Variants in TTC39A observed in about 807,000 individuals in gnomAD.
TTC39A encodes tetratricopeptide repeat protein 39A.
TTC39A carries 46 observed loss-of-function variants against 82.3 expected under a neutral mutation model. The observed-to-expected ratio is 0.56, with a 90% CI of 0.44 to 0.71. The LOEUF (loss-of-function observed/expected upper bound fraction) is 0.71, where lower values mean the gene tolerates loss of function less well. TTC39A is among the 30% of genes least tolerant of loss of function. The pLI, the probability that TTC39A is intolerant of heterozygous loss-of-function variation, is 0.00. For missense variants in TTC39A, 543 were observed against 712.9 expected (o/e 0.76, Z 2.71); for synonymous variants, 254 against 275.2 (o/e 0.92, Z 0.76).
upstream of TTC39A, chr1:51,331,410 A>T (rs1645908893): frequency 1.4e-6 from 2 of 1,451,258 alleles, no homozygotes; most frequent in Admixed American, 5.0e-5. Flanking sequence ...TGCTGCTCTT[A>T]ACCATGACTC....
chr1:51,341,370 T>G (rs991677009), intron 1 of TTC39A, among the ~76,000 whole-genome samples: 8 of 152,018 alleles, frequency 5.3e-5, no homozygotes, highest in Non-Finnish European at 8.8e-5. Context: ...AGAAACTGCT[T>G]TGAGAGGCAG....
At chr1:51,340,833 C>G (rs1421524381) in intron 1 of TTC39A, among the ~76,000 whole-genome samples, 4 of 152,302 alleles carry the variant, frequency 2.6e-5, no homozygotes, top group South Asian at 2.1e-4. Flanking sequence ...AGCTAAACAG[C>G]CTGTCCAAAG....
chr1:51,298,705 C>G (rs1368459949), intron 12 of TTC39A: 4 of 152,636 alleles, frequency 2.6e-5, no homozygotes, highest in African/African-American at 9.6e-5. Context: ...TCTGCAGCGC[C>G]CTGGCTTCTG....
chr1:51,341,555 A>C (rs904699731), intron 1 of TTC39A, among the ~76,000 whole-genome samples: 1 of 152,156 alleles, frequency 6.6e-6, no homozygotes, highest in Non-Finnish European at 1.5e-5. Context: ...AGTGGGACAA[A>C]GGTTGCTTGA....
At chr1:51,338,204 C>T (rs1645997322) in intron 1 of TTC39A, among the ~76,000 whole-genome samples, 2 of 152,162 alleles carry the variant, frequency 1.3e-5, no homozygotes. Flanking sequence ...GAAGCCATTT[C>T]TGGGGGAGGC....
intron 6 of TTC39A, among the ~76,000 whole-genome samples, chr1:51,306,853 A>ACCCCCCCCCC (rs3068549): frequency 1.9e-3 from 117 of 60,176 alleles, no homozygotes; most frequent in Middle Eastern, 7.5e-3. Context: ...TAAGGGACAG[A>ACCCCCCCCCC]CCCCCCCCCC....
chr1:51,295,935 G>C (rs747481837), intron 13 of TTC39A, 144 bp downstream of exon 13: 10 of 799,792 alleles, frequency 1.3e-5, no homozygotes, highest in Non-Finnish European at 2.1e-5. Context: ...GACACGCAGG[G>C]GGGGCAGTCC....
chr1:51,303,227 G>A, intron 8 of TTC39A, 35 bp from the exon 9 acceptor site: 1 of 1,513,690 alleles, frequency 6.6e-7, no homozygotes, highest in South Asian at 1.2e-5. Flanking sequence ...GGCTCCCAGA[G>A]AGGGCAGGGG....
chr1:51,303,021 T>C (rs1644732416), intron 9 of TTC39A, 63 bp downstream of exon 9: 1 of 1,430,276 alleles, frequency 7.0e-7, no homozygotes, highest in African/African-American at 1.4e-5. Context: ...CTGTAGCCCC[T>C]CGTTCTCCTT....
upstream of TTC39A, among the ~76,000 whole-genome samples, chr1:51,332,974 A>T (rs1410540135): frequency 1.3e-5 from 2 of 152,140 alleles, no homozygotes; most frequent in African/African-American, 4.8e-5. Flanking sequence ...GCACTTTGGG[A>T]GGCTGAGACA....
At chr1:51,320,157 G>C (rs189842632) in intron 2 of TTC39A, among the ~76,000 whole-genome samples, 2 of 152,020 alleles carry the variant, frequency 1.3e-5, no homozygotes, top group South Asian at 2.1e-4. Flanking sequence ...GAAAATGAGG[G>C]GGGTACTGAG....
rs753002146 is a variant in TTC39A at position 51,309,247 on chromosome 1, C to A, written c.488+14G>T. ...CCAGGGTCTCCCCACAAGCGGATGG[C>A]CAGCCCCACTCACTTGTAGGTCTGG... On this transcript the variant is annotated intron_variant, in intron 6 of 17. Transcript: ENST00000680483. 6 of 1,598,674 alleles carry A rather than the reference C, an allele frequency of 3.8e-6. No homozygotes were observed. Among genetic ancestry groups the A allele is most frequent in the Non-Finnish European group, 4.3e-6 (5 of 1,171,624 alleles).
chr1:51,324,989 T>G (rs900424258), intron 1 of TTC39A, among the ~76,000 whole-genome samples: 1 of 151,968 alleles, frequency 6.6e-6, no homozygotes, highest in Non-Finnish European at 1.5e-5. Flanking sequence ...GCATGGTGGC[T>G]CATGCCTGTA....
chr1:51,335,562 A>AC (rs1345297428), upstream of TTC39A, among the ~76,000 whole-genome samples: 3 of 131,096 alleles, frequency 2.3e-5, no homozygotes, highest in African/African-American at 1.1e-4. Flanking sequence ...CTCTTGTCTC[A>AC]CAAAAAAAAA....
Position 51,288,411 on chromosome 1 carries a change from G to T in TTC39A, c.1611-131C>A. 1 of 1,449,958 alleles carries T rather than the reference G, an allele frequency of 6.9e-7. No individual in the cohort carries two copies. Among genetic ancestry groups the T allele is most frequent in the Non-Finnish European group, 9.3e-7 (1 of 1,073,720 alleles). 89.8% of individuals were successfully genotyped at this position (1,449,958 alleles called of 1,614,324 possible). ...GAAATTAATGTGTCCAGAGAGAGTT[G>T]AGCCCTACCCAATGGGAGAGTTAAC... On this transcript the variant is annotated intron_variant, in intron 17 of 17. Coordinates refer to ENST00000680483, the MANE Select transcript of TTC39A (RefSeq NM_001297663.2). This position sits in a 1 kb window ranked among gnomAD's most constrained non-coding sequence, Gnocchi z 4.8.
chr1:51,321,652 C>T lies in TTC39A; in HGVS notation c.146+69G>A. The stretch of plus-strand genomic sequence containing the variant: ...GCATTTAGTTACACAGGGTTCCTCT[C>T]ATACAAGACCTCTGGTTCTCCCTGA... On this transcript the variant is annotated intron_variant, in intron 2 of 17. Coordinates refer to ENST00000680483, the MANE Select transcript of TTC39A (RefSeq NM_001297663.2). The surrounding 1 kb of genome is among the most constrained non-coding windows in gnomAD (Gnocchi z 4.6). 1 of 1,443,390 alleles carries T rather than the reference C, an allele frequency of 6.9e-7. No individual in the cohort carries two copies. The highest frequency in any genetic ancestry group is 9.6e-7 in the Non-Finnish European group (1 of 1,040,472). 89.4% of individuals were successfully genotyped at this position (1,443,390 alleles called of 1,614,324 possible).
rs199534553 is a variant in TTC39A, at chr1:51,301,724, G to A, written c.901C>T (p.Arg301Cys). The A allele has an allele frequency of 7.2e-5, 115 of 1,604,560 alleles. No individual in the cohort carries two copies. Among genetic ancestry groups the A allele is most frequent in the Admixed American group, 2.2e-4 (13 of 59,892 alleles). ...TGGGCCTCACAGCACTCCTCGAAAC[G>A]CCGGATGGCCTGCAGGCACCTTCTG... ...IKGNIDAAIR[R>C]FEECCEAQQH... The change falls in exon 12 of 18, where the codon CGT becomes TGT. Residue 301 changes from arginine to cysteine, a missense_variant. Physicochemically the swap from Arg to Cys is radical, Grantham distance 180. Transcript: ENST00000680483.
Position 51,311,448 on chromosome 1 carries a change from C to T in TTC39A, c.356-127G>A, listed in dbSNP as rs1645078995. On this transcript the variant is annotated intron_variant, in intron 4 of 17. Coordinates refer to ENST00000680483, the MANE Select transcript of TTC39A (RefSeq NM_001297663.2). ...ATGTCAGCACCTCTCCTGTCCCCTACCTCGTCACCCAGTGCTTCAGAGCAT... is the reference window on the plus strand; with the variant it reads ...ATGTCAGCACCTCTCCTGTCCCCTATCTCGTCACCCAGTGCTTCAGAGCAT... The T allele has an allele frequency of 5.2e-6, 4 of 766,554 alleles. No individual in the cohort carries two copies. In the Admixed American group the frequency reaches 7.9e-5, roughly 15 times the overall value. 47.5% of individuals were successfully genotyped at this position (766,554 alleles called of 1,614,324 possible).
At position 51,288,362 on chromosome 1, in the gene TTC39A, C is replaced by T. The variant is rs1644068529; in HGVS notation, c.1611-82G>A. On this transcript the variant is annotated intron_variant, in intron 17 of 17. Transcript: ENST00000680483. The surrounding 1 kb of genome is among the most constrained non-coding windows in gnomAD (Gnocchi z 4.8). ...CCTCCTGTTTGAGCTGTATGAGCCC[C>T]GCGAGCCAAGGAAGGATTGTAGAGA... 9.4e-6 allele frequency: 15 copies of T among 1,594,224 alleles called. No individual in the cohort carries two copies. The highest frequency in any genetic ancestry group is 1.3e-5 in the African/African-American group (1 of 74,654).
Sources: allele counts gnomAD v4.1 joint callset (sites outside exome capture counted in the v4.1 genomes callset), GRCh38; gene constraint gnomAD v4.1.1; non-coding constraint Gnocchi (gnomAD v3.1); transcripts MANE v1.5; gene names NCBI Gene and HGNC (gene_info 2026-07-23, HGNC 2026-07-21).